The following USP13 variants were observed in gnomAD, a reference collection of about 807,000 sequenced individuals.
USP13 encodes ubiquitin specific peptidase 13.
A neutral mutation model predicts 107.8 loss-of-function variants in USP13; 68 were observed. That is an observed-to-expected ratio of 0.63 (90% CI 0.52 to 0.77). The LOEUF (loss-of-function observed/expected upper bound fraction) is 0.77, where lower values mean the gene tolerates loss of function less well. Ranked by LOEUF, USP13 falls within the 30% of genes least tolerant of loss-of-function variation. The probability of loss-of-function intolerance (pLI) is 0.00; values close to 1 mark genes in which losing one functional copy is unlikely to be tolerated. For missense variants in USP13, 945 were observed against 1,093.3 expected (o/e 0.86, Z 1.91); for synonymous variants, 377 against 389.5 (o/e 0.97, Z 0.38).
chr3:179,759,651 C>A (rs903233902), intron 16 of USP13, among the ~76,000 whole-genome samples: 3 of 152,154 alleles, frequency 2.0e-5, no homozygotes, highest in Admixed American at 1.3e-4. Flanking sequence ...TTCTATGTAT[C>A]TTCCTTGTAA....
chr3:179,658,002 C>T (rs1037753425), intron 1 of USP13, among the ~76,000 whole-genome samples: 2 of 152,062 alleles, frequency 1.3e-5, no homozygotes, highest in Non-Finnish European at 2.9e-5. Flanking sequence ...CTTCAGTTTC[C>T]AGGTGGTCAG....
At chr3:179,731,004 TA>T (rs1333102336) in intron 10 of USP13, among the ~76,000 whole-genome samples, 2 of 152,226 alleles carry the variant, frequency 1.3e-5, no homozygotes, top group Non-Finnish European at 1.5e-5. Flanking sequence ...CTAAATCTCA[TA>T]AAAATATAAA....
At chr3:179,749,861 T>C (rs1468812793) in intron 13 of USP13, among the ~76,000 whole-genome samples, 1 of 152,248 alleles carries the variant, frequency 6.6e-6, no homozygotes, top group Non-Finnish European at 1.5e-5. Context: ...AGTCATATTT[T>C]GGAAATTATT....
chr3:179,746,932 G>C (rs1328670601), intron 13 of USP13, among the ~76,000 whole-genome samples: 1 of 152,120 alleles, frequency 6.6e-6, no homozygotes, highest in Admixed American at 6.5e-5. Context: ...AGATTGTAGA[G>C]TTCATATGTT....
chr3:179,710,285 G>A (rs540115172), intron 6 of USP13, among the ~76,000 whole-genome samples: 9 of 152,328 alleles, frequency 5.9e-5, no homozygotes, highest in African/African-American at 2.2e-4. Flanking sequence ...AGTGGGTGTT[G>A]AATGACTTTT....
intron 3 of USP13, among the ~76,000 whole-genome samples, chr3:179,698,246 A>G (rs1712389573): frequency 6.6e-6 from 1 of 152,182 alleles, no homozygotes; most frequent in Non-Finnish European, 1.5e-5. Context: ...GCCAAAGGGA[A>G]GGGAAGGCAC....
intron 10 of USP13, among the ~76,000 whole-genome samples, chr3:179,737,321 T>A (rs1221633838): frequency 1.3e-5 from 2 of 152,166 alleles, no homozygotes; most frequent in Non-Finnish European, 2.9e-5. Context: ...CACCACCTCA[T>A]GGGGTTGGGT....
chr3:179,743,919 A>C (rs1239330458), intron 12 of USP13, among the ~76,000 whole-genome samples: 1 of 123,998 alleles, frequency 8.1e-6, no homozygotes, highest in Non-Finnish European at 1.6e-5. Flanking sequence ...AAACTGATAA[A>C]TAAGGAGTTT....
At position 179,752,340 on chromosome 3, in the gene USP13, A is replaced by G; in HGVS notation, c.1765A>G (p.Thr589Ala). 6.2e-7 allele frequency: 1 copy of G among 1,614,152 alleles called. No individual in the cohort carries two copies. Among genetic ancestry groups the G allele is most frequent in the Non-Finnish European group, 8.5e-7 (1 of 1,180,006 alleles). ...CTTGGTAGTGCAGATAAAGAAGTTC[A>G]CTTTTGGTCTTGACTGGGTTCCCAA... ...EYLVVQIKKF[T>A]FGLDWVPKKF... The change falls in exon 14 of 21, where the codon ACT becomes GCT. Residue 589 changes from threonine to alanine, a missense_variant. Thr to Ala is a moderately conservative substitution (Grantham distance 58). Transcript: ENST00000263966.
At chr3:179,711,790 CT>C (rs540793138) in intron 6 of USP13, among the ~76,000 whole-genome samples, 160 of 152,208 alleles carry the variant, frequency 1.1e-3, no homozygotes, top group African/African-American at 3.6e-3. Context: ...GTACAGTTAA[CT>C]TTTTTTCGTA....
chr3:179,732,340 G>A (rs1468549425), intron 10 of USP13, among the ~76,000 whole-genome samples: 2 of 152,202 alleles, frequency 1.3e-5, no homozygotes, highest in Non-Finnish European at 2.9e-5. Flanking sequence ...GTCCAAAATT[G>A]TGTTATGATT....
At chr3:179,655,869 A>G (rs1216924897) in intron 1 of USP13, among the ~76,000 whole-genome samples, 2 of 152,186 alleles carry the variant, frequency 1.3e-5, no homozygotes, top group Non-Finnish European at 2.9e-5. Flanking sequence ...TTGTTATGGT[A>G]TGTAACACTA....
intron 1 of USP13, among the ~76,000 whole-genome samples, chr3:179,657,688 T>C (rs983539818): frequency 5.5e-5 from 7 of 128,308 alleles, no homozygotes; most frequent in African/African-American, 2.1e-4. Flanking sequence ...CGCTTGAACC[T>C]GGGAGGCAGA....
rs929869434 is a variant in USP13, at chr3:179,789,391, T to C, written c.*5250T>C. On this transcript the variant is annotated 3_prime_UTR_variant, in exon 21 of 21. Coordinates refer to ENST00000263966, the MANE Select transcript of USP13 (RefSeq NM_003940.3). ...GCTTCAATTGTTTTAAATTAAAAGC[T>C]ATTCTCACAATCTGAGGCCCTTTAT... The C allele has an allele frequency of 6.6e-6, 1 of 152,264 alleles. No individual in the cohort carries two copies. The highest frequency in any genetic ancestry group is 1.5e-5 in the Non-Finnish European group (1 of 68,038). 9.4% of individuals were successfully genotyped at this position (152,264 alleles called of 1,614,324 possible). A position where few individuals can be genotyped will look rare whatever the true frequency, so the allele number is the denominator to read the frequency against.
chr3:179,734,998 TG>T (rs1560067878), intron 10 of USP13, among the ~76,000 whole-genome samples: 1 of 152,228 alleles, frequency 6.6e-6, no homozygotes. Context: ...TGTAAGCATT[TG>T]GGAGAGATTC....
intron 8 of USP13, among the ~76,000 whole-genome samples, chr3:179,722,844 ATTTG>A (rs1713374235): frequency 6.6e-6 from 1 of 152,196 alleles, no homozygotes; most frequent in Non-Finnish European, 1.5e-5. Context: ...ACCGCAGATA[ATTTG>A]AGAGGCACTG....
intron 20 of USP13, among the ~76,000 whole-genome samples, chr3:179,782,740 A>G (rs1715789192): frequency 6.6e-6 from 1 of 152,050 alleles, no homozygotes; most frequent in Admixed American, 6.6e-5. Flanking sequence ...ATAGTTGAGC[A>G]CAGGAATTTA....
At chr3:179,694,292 A>G (rs1712210043) in intron 3 of USP13, among the ~76,000 whole-genome samples, 2 of 152,054 alleles carry the variant, frequency 1.3e-5, no homozygotes, top group African/African-American at 4.8e-5. Context: ...GTAACTTTAA[A>G]CAAGATAGAT....
At chr3:179,677,981 A>G (rs1280512220) in intron 1 of USP13, among the ~76,000 whole-genome samples, 2 of 152,196 alleles carry the variant, frequency 1.3e-5, no homozygotes, top group Non-Finnish European at 2.9e-5. Context: ...GCACTTTGAT[A>G]TATTTCACCC....
Sources: gnomAD v4.1 joint callset for allele counts (sites outside exome capture counted in the v4.1 genomes callset) on GRCh38, gnomAD v4.1.1 for gene constraint, MANE v1.5 for transcripts, NCBI Gene and HGNC (gene_info 2026-07-23, HGNC 2026-07-21) for gene names.